Variants in MCTP1 observed in about 807,000 individuals in gnomAD.
The protein encoded by MCTP1 is multiple C2 and transmembrane domain containing 1, also known as multiple C2 and transmembrane domain-containing protein 1.
Under a neutral mutation model 120.6 loss-of-function variants are expected in MCTP1, and 69 were observed. That is an observed-to-expected ratio of 0.57 (90% CI 0.47 to 0.70). MCTP1 has a LOEUF of 0.70. MCTP1 is among the 30% of genes least tolerant of loss of function. The probability of loss-of-function intolerance (pLI) is 0.00; values close to 1 mark genes in which losing one functional copy is unlikely to be tolerated. For synonymous variants in MCTP1, 529 were observed against 493.1 expected (o/e 1.07, Z -0.96); for missense variants, 1,203 against 1,248.8 (o/e 0.96, Z 0.55).
chr5:94,905,525 T>C (rs57855377), intron 10 of MCTP1, among the ~76,000 whole-genome samples: 23,999 of 152,086 alleles, frequency 0.16, 2,250 homozygotes, highest in African/African-American at 0.26. Flanking sequence ...ATGATAATGA[T>C]AGAGATGATG....
chr5:94,997,862 T>G (rs927256614), intron 2 of MCTP1, among the ~76,000 whole-genome samples: 18 of 152,186 alleles, frequency 1.2e-4, no homozygotes, highest in African/African-American at 4.1e-4. Flanking sequence ...TTCTTAAAAT[T>G]AATTACATTT....
At chr5:95,274,750 A>G (rs759818760) in intron 1 of MCTP1, among the ~76,000 whole-genome samples, 1 of 151,908 alleles carries the variant, frequency 6.6e-6, no homozygotes, top group South Asian at 2.1e-4. Flanking sequence ...CAGACTCCTG[A>G]GTAGCTGGGA....
At chr5:95,069,690 C>A (rs1751618976) in intron 1 of MCTP1, among the ~76,000 whole-genome samples, 1 of 128,314 alleles carries the variant, frequency 7.8e-6, no homozygotes, top group African/African-American at 2.7e-5. Flanking sequence ...AAACAAATGA[C>A]CCTTCTGCCC....
chr5:95,115,099 G>A (rs1161199167), intron 1 of MCTP1, among the ~76,000 whole-genome samples: 1 of 152,110 alleles, frequency 6.6e-6, no homozygotes, highest in Non-Finnish European at 1.5e-5. Flanking sequence ...TGTAAATATG[G>A]CTTAGGTAAC....
At chr5:94,899,625 T>C (rs1033436901) in intron 10 of MCTP1, among the ~76,000 whole-genome samples, 3 of 152,224 alleles carry the variant, frequency 2.0e-5, no homozygotes, top group African/African-American at 7.2e-5. Context: ...GTTATCTCCT[T>C]GTAGGGTGAA....
chr5:95,036,785 G>A (rs958097055), intron 1 of MCTP1, among the ~76,000 whole-genome samples: 20 of 152,054 alleles, frequency 1.3e-4, no homozygotes, highest in African/African-American at 4.6e-4. Context: ...GATTTTCTTT[G>A]GAGAAAACCA....
intron 19 of MCTP1, among the ~76,000 whole-genome samples, chr5:94,747,220 A>G (rs1412017632): frequency 6.6e-5 from 10 of 152,204 alleles, no homozygotes; most frequent in Non-Finnish European, 1.2e-4. Flanking sequence ...TGTAATGGAA[A>G]ACTGATTGCT....
intron 3 of MCTP1, among the ~76,000 whole-genome samples, chr5:94,949,826 A>C (rs538355461): frequency 6.6e-6 from 1 of 152,200 alleles, no homozygotes; most frequent in Non-Finnish European, 1.5e-5. Flanking sequence ...TCTTTTGGGC[A>C]AGATTAATAA....
chr5:95,044,671 C>T (rs2064357154), intron 1 of MCTP1, among the ~76,000 whole-genome samples: 1 of 152,026 alleles, frequency 6.6e-6, no homozygotes, highest in Non-Finnish European at 1.5e-5. Context: ...CCAGGCAAAG[C>T]ATTCCCCAGC....
chr5:94,738,992 G>A (rs1177353928), intron 19 of MCTP1, among the ~76,000 whole-genome samples: 1 of 152,194 alleles, frequency 6.6e-6, no homozygotes, highest in Non-Finnish European at 1.5e-5. Context: ...AGCAGCAGTA[G>A]CTTCATGTCA....
chr5:94,844,845 T>A (rs1399955612), intron 17 of MCTP1, among the ~76,000 whole-genome samples: 1 of 152,220 alleles, frequency 6.6e-6, no homozygotes, highest in Non-Finnish European at 1.5e-5. Context: ...TTTCTTTTCC[T>A]TCCCTCTCTT....
At position 95,283,886 on chromosome 5, in the gene MCTP1, CG is replaced by C. The variant is rs1296103101; in HGVS notation, c.689del (p.Pro230ArgfsTer13). The C allele has an allele frequency of 7.2e-7, 1 of 1,380,320 alleles. No homozygotes were observed. 85.5% of individuals were successfully genotyped at this position (1,380,320 alleles called of 1,614,324 possible). A position where few individuals can be genotyped will look rare whatever the true frequency, so the allele number is the denominator to read the frequency against. On this transcript the variant is annotated frameshift_variant, in exon 1 of 23. Transcript: ENST00000515393. LOFTEE classifies it high-confidence loss of function. Reference protein sequence around the residue: ...PARSPAESRAPETGEEHGSSQ... With the variant: ...PARSPAESRAXETGEEHGSSQ... The stretch of plus-strand genomic sequence containing the variant: ...TGCTGCCGTGCTCCTCGCCCGTCTC[CG>C]GGGCCCGAGACTCCGCGGGACTCCG...
chr5:94,867,061 A>G, intron 17 of MCTP1: 1 of 395,796 alleles, frequency 2.5e-6, no homozygotes, highest in East Asian at 4.9e-5. Context: ...AATAGTCTAA[A>G]ATAGACATAG....
Position 95,284,701 on chromosome 5 carries a change from C to G in MCTP1, c.-126G>C. 1.2e-6 allele frequency: 1 copy of G among 804,084 alleles called. No individual in the cohort carries two copies. Among genetic ancestry groups the G allele is most frequent in the Non-Finnish European group, 1.8e-6 (1 of 556,532 alleles). The allele number at this position is 804,084 out of a possible 1,614,324, so 49.8% of individuals were successfully genotyped here. On this transcript the variant is annotated 5_prime_UTR_variant, in exon 1 of 23. Coordinates refer to ENST00000515393, the MANE Select transcript of MCTP1 (RefSeq NM_024717.7). This position sits in a 1 kb window ranked among gnomAD's most constrained non-coding sequence, Gnocchi z 5.2. ...CGGTGGCGGCGGCGGCGGCGGCGGG[C>G]GCAGCAGCAGAAACCGGGAGTGCCC...
chr5:94,720,786 G>A (rs1760716139), intron 19 of MCTP1, among the ~76,000 whole-genome samples: 1 of 152,102 alleles, frequency 6.6e-6, no homozygotes. Flanking sequence ...CTGGTACTTG[G>A]CTTGTCTATT....
intron 19 of MCTP1, among the ~76,000 whole-genome samples, chr5:94,763,616 T>C (rs1408668221): frequency 6.6e-6 from 1 of 152,150 alleles, no homozygotes; most frequent in Admixed American, 6.5e-5. Context: ...TAACCAAGGA[T>C]CCCATCACAC....
chr5:95,084,526 G>A (rs959156704), intron 1 of MCTP1, among the ~76,000 whole-genome samples: 8 of 150,300 alleles, frequency 5.3e-5, no homozygotes, highest in East Asian at 3.9e-4. Flanking sequence ...ACTGGCCAAG[G>A]TCTTTGGGTG....
At chr5:94,791,553 G>A (rs530389391) in intron 18 of MCTP1, among the ~76,000 whole-genome samples, 4 of 151,638 alleles carry the variant, frequency 2.6e-5, no homozygotes, top group African/African-American at 7.3e-5. Flanking sequence ...ATTAAAACTC[G>A]TGGTGGGCTG....
intron 17 of MCTP1, among the ~76,000 whole-genome samples, chr5:94,836,918 A>T (rs900625451): frequency 5.9e-5 from 9 of 152,202 alleles, no homozygotes; most frequent in African/African-American, 2.2e-4. Context: ...GACCATTAGT[A>T]ATGCCAATCT....
Sources: gnomAD v4.1 joint callset for allele counts (sites outside exome capture counted in the v4.1 genomes callset) on GRCh38, gnomAD v4.1.1 for gene constraint, Gnocchi (gnomAD v3.1) non-coding constraint, MANE v1.5 for transcripts, NCBI Gene and HGNC (gene_info 2026-07-23, HGNC 2026-07-21) for gene names.